The following ETV6 variants were observed in gnomAD, a reference collection of about 807,000 sequenced individuals.
ETV6 encodes the protein ETS variant transcription factor 6, also known as transcription factor ETV6.
In ETV6, 16 loss-of-function variants were observed where a neutral mutation model predicts 51.1. The ratio of observed to expected loss-of-function variants is 0.31; its 90% CI spans 0.21 to 0.48. The LOEUF (loss-of-function observed/expected upper bound fraction) is 0.48, where lower values mean the gene tolerates loss of function less well. Ranked by LOEUF, ETV6 falls within the 20% of genes least tolerant of loss-of-function variation. ETV6 has a pLI of 0.99. For synonymous variants in ETV6, 240 were observed against 224.1 expected, an observed-to-expected ratio of 1.07 and a Z score of -0.64; for missense variants, 458 against 594.8, an observed-to-expected ratio of 0.77 and a Z score of 2.39.
At chr12:11,788,521 T>G (rs925715038) in intron 2 of ETV6, among the ~76,000 whole-genome samples, 1 of 152,200 alleles carries the variant, frequency 6.6e-6, no homozygotes, top group African/African-American at 2.4e-5. Context: ...AGCCATCATT[T>G]CTCTTCTGAT....
intron 1 of ETV6, among the ~76,000 whole-genome samples, chr12:11,689,109 C>T (rs1366582717): frequency 1.5e-5 from 2 of 133,746 alleles, no homozygotes; most frequent in Admixed American, 9.1e-5. Flanking sequence ...CAAAGGAGGC[C>T]CAGGACTCAG....
chr12:11,681,094 G>A (rs1173924437), intron 1 of ETV6, among the ~76,000 whole-genome samples: 1 of 152,192 alleles, frequency 6.6e-6, no homozygotes, highest in Non-Finnish European at 1.5e-5. Flanking sequence ...ATCCCACTGA[G>A]TATAGACCTA....
At chr12:11,669,239 A>G (rs948699472) in intron 1 of ETV6, among the ~76,000 whole-genome samples, 1 of 152,130 alleles carries the variant, frequency 6.6e-6, no homozygotes, top group African/African-American at 2.4e-5. Flanking sequence ...GCCAATCTCA[A>G]GCTTGGATTG....
At chr12:11,808,565 A>G (rs7307178) in intron 2 of ETV6, among the ~76,000 whole-genome samples, 8,934 of 152,296 alleles carry the variant, frequency 0.059, 358 homozygotes, top group East Asian at 0.2. Flanking sequence ...ATGATTTAAA[A>G]TATACAGGAG....
chr12:11,809,788 AATGGGGAGGG>A (rs988677741), intron 2 of ETV6, among the ~76,000 whole-genome samples: 2 of 149,604 alleles, frequency 1.3e-5, no homozygotes, highest in Non-Finnish European at 3.0e-5. Context: ...TTGCTTGGAA[AATGGGGAGGG>A]AATAGAGCTT....
chr12:11,680,730 A>G (rs545532005), intron 1 of ETV6, among the ~76,000 whole-genome samples: 31 of 152,296 alleles, frequency 2.0e-4, no homozygotes, highest in African/African-American at 6.5e-4. Flanking sequence ...CTACATGCCT[A>G]TGATCTCTTA....
At chr12:11,817,966 T>TGTGA (rs1440802600) in intron 2 of ETV6, among the ~76,000 whole-genome samples, 2 of 152,128 alleles carry the variant, frequency 1.3e-5, no homozygotes, top group Non-Finnish European at 2.9e-5. Context: ...TTAAAGGAGA[T>TGTGA]GTGAGTTTCC....
intron 5 of ETV6, among the ~76,000 whole-genome samples, chr12:11,875,737 T>G (rs1946972711): frequency 6.6e-6 from 1 of 152,234 alleles, no homozygotes; most frequent in African/African-American, 2.4e-5. Context: ...CCTTCTGGTC[T>G]GGGACTCTAG....
intron 1 of ETV6, among the ~76,000 whole-genome samples, chr12:11,737,083 A>C (rs1865714398): frequency 6.6e-6 from 1 of 152,148 alleles, no homozygotes; most frequent in African/African-American, 2.4e-5. Context: ...GAGGTGGATG[A>C]AGGTACAGTA....
chr12:11,777,454 GT>G (rs1344122790), intron 2 of ETV6, among the ~76,000 whole-genome samples: 5 of 147,154 alleles, frequency 3.4e-5, no homozygotes, highest in African/African-American at 5.0e-5. Flanking sequence ...GAGTTTTTTT[GT>G]TTTTTTTTTC....
At chr12:11,802,477 G>GTTT (rs1311571663) in intron 2 of ETV6, among the ~76,000 whole-genome samples, 6 of 152,184 alleles carry the variant, frequency 3.9e-5, no homozygotes, top group African/African-American at 1.4e-4. Context: ...ACTCTCCAGT[G>GTTT]TTAAGGGTTT....
chr12:11,661,584 A>T (rs1037694801), intron 1 of ETV6, among the ~76,000 whole-genome samples: 1 of 152,202 alleles, frequency 6.6e-6, no homozygotes, highest in Admixed American at 6.5e-5. Context: ...CCCGACTTTG[A>T]GACCTGAATG....
rs77693182 is a variant in ETV6 at position 11,822,419 on chromosome 12, T to C, written c.164-16721T>C. 1.1e-3 allele frequency among the ~76,000 whole-genome samples: 164 copies of C among 152,356 alleles called. 2 individuals carry two copies. Among genetic ancestry groups the C allele is most frequent in the African/African-American group, 3.8e-3 (159 of 41,590 alleles). ...CGCATACGTCCCCTTTCCCGCACACTCTCTCTACCTTTCTCCCCCATTTCT... is the reference window on the plus strand; with the variant it reads ...CGCATACGTCCCCTTTCCCGCACACCCTCTCTACCTTTCTCCCCCATTTCT... On this transcript the variant is annotated intron_variant, in intron 2 of 7. Coordinates refer to ENST00000396373, the MANE Select transcript of ETV6 (RefSeq NM_001987.5).
intron 2 of ETV6, among the ~76,000 whole-genome samples, chr12:11,810,901 G>C (rs1052522119): frequency 2.0e-5 from 3 of 151,914 alleles, no homozygotes; most frequent in African/African-American, 4.8e-5. Context: ...CCTTCCCTTG[G>C]ATACCTCTAA....
chr12:11,819,535 C>T (rs1170010246), intron 2 of ETV6, among the ~76,000 whole-genome samples: 3 of 152,186 alleles, frequency 2.0e-5, no homozygotes, highest in Non-Finnish European at 4.4e-5. Flanking sequence ...TACTGGGCCT[C>T]TTTACCTAGA....
intron 1 of ETV6, among the ~76,000 whole-genome samples, chr12:11,739,871 A>G (rs1226125755): frequency 1.3e-5 from 2 of 152,228 alleles, no homozygotes; most frequent in Non-Finnish European, 2.9e-5. Flanking sequence ...TACGGGATCC[A>G]TCAGAAGCAT....
intron 4 of ETV6, among the ~76,000 whole-genome samples, chr12:11,858,370 A>G (rs1946663219): frequency 6.7e-6 from 1 of 149,308 alleles, no homozygotes; most frequent in Admixed American, 6.8e-5. Context: ...AGGTTCTTTT[A>G]TTTTGGGTTT....
chr12:11,824,895 A>T (rs74372484), intron 2 of ETV6, among the ~76,000 whole-genome samples: 1 of 152,368 alleles, frequency 6.6e-6, no homozygotes, highest in African/African-American at 2.4e-5. Context: ...ACATGAAAAC[A>T]ATAGAAGAGA....
intron 5 of ETV6, among the ~76,000 whole-genome samples, chr12:11,882,680 T>C (rs1201143447): frequency 6.6e-6 from 1 of 152,226 alleles, no homozygotes; most frequent in Non-Finnish European, 1.5e-5. Context: ...TCCTGTAAAG[T>C]AAGTGCTGTT....
Sources: allele counts gnomAD v4.1 joint callset (sites outside exome capture counted in the v4.1 genomes callset), GRCh38; gene constraint gnomAD v4.1.1; transcripts MANE v1.5; gene names NCBI Gene and HGNC (gene_info 2026-07-23, HGNC 2026-07-21).